The following NTNG1 variants were observed in gnomAD, a reference collection of about 807,000 sequenced individuals.
The protein encoded by NTNG1 is netrin G1.
Under a neutral mutation model 54.0 loss-of-function variants are expected in NTNG1, and 16 were observed. The observed-to-expected ratio is 0.30, with a 90% CI of 0.20 to 0.45. NTNG1 has a LOEUF of 0.45. NTNG1 is among the 20% of genes least tolerant of loss of function. NTNG1 has a pLI of 1.00. For missense variants in NTNG1, 530 were observed against 678.7 expected, an observed-to-expected ratio of 0.78 and a Z score of 2.43; for synonymous variants, 255 against 263.1, an observed-to-expected ratio of 0.97 and a Z score of 0.30.
intron 2 of NTNG1, among the ~76,000 whole-genome samples, chr1:107,285,487 T>C (rs1665135381): frequency 6.6e-6 from 1 of 152,126 alleles, no homozygotes; most frequent in East Asian, 1.9e-4. Context: ...AGAGCTAAGA[T>C]GTGCATGAAA....
chr1:107,398,502 G>A (rs554373817), intron 4 of NTNG1, among the ~76,000 whole-genome samples: 1 of 152,264 alleles, frequency 6.6e-6, no homozygotes, highest in African/African-American at 2.4e-5. Context: ...TATGAAACAT[G>A]TAGAGCTAAG....
chr1:107,365,486 C>T (rs557609681), intron 3 of NTNG1, among the ~76,000 whole-genome samples: 2 of 152,222 alleles, frequency 1.3e-5, no homozygotes, highest in East Asian at 3.9e-4. Flanking sequence ...AAAAATTGTA[C>T]ACATGAATAT....
intron 2 of NTNG1, 118 bp from the exon 3 acceptor site, chr1:107,324,164 G>T: frequency 1.2e-6 from 1 of 859,788 alleles, no homozygotes; most frequent in South Asian, 1.7e-5. Flanking sequence ...AAATAAAAAT[G>T]ATTACTGAAA....
chr1:107,268,195 T>A (rs1160016898), intron 2 of NTNG1, among the ~76,000 whole-genome samples: 4 of 152,242 alleles, frequency 2.6e-5, no homozygotes, highest in African/African-American at 9.6e-5. Flanking sequence ...ATTTCTCTAC[T>A]TCTGTTTACA....
chr1:107,331,821 T>C (rs1382940314), intron 3 of NTNG1, among the ~76,000 whole-genome samples: 2 of 152,104 alleles, frequency 1.3e-5, no homozygotes, highest in Non-Finnish European at 2.9e-5. Context: ...TTTCATATAA[T>C]AAAATTTCAT....
chr1:107,174,025 A>G (rs1656456393), intron 2 of NTNG1, among the ~76,000 whole-genome samples: 1 of 152,114 alleles, frequency 6.6e-6, no homozygotes, highest in African/African-American at 2.4e-5. Flanking sequence ...CACAACAGAA[A>G]GATAAAACAG....
At chr1:107,149,960 TA>T (rs1654434194) in intron 2 of NTNG1, among the ~76,000 whole-genome samples, 1 of 152,172 alleles carries the variant, frequency 6.6e-6, no homozygotes, top group Non-Finnish European at 1.5e-5. Context: ...CCCAGTGAGT[TA>T]AATTAGCATA....
At chr1:107,210,245 C>G (rs1279961554) in intron 2 of NTNG1, among the ~76,000 whole-genome samples, 1 of 152,008 alleles carries the variant, frequency 6.6e-6, no homozygotes, top group African/African-American at 2.4e-5. Context: ...CTTTGGTACC[C>G]CAAACTTTTT....
rs754614138 is a variant in NTNG1, at chr1:107,407,721, A to T, written c.1087+13A>T. On this transcript the variant is annotated intron_variant, in intron 5 of 7. Coordinates refer to ENST00000370068, the MANE Select transcript of NTNG1 (RefSeq NM_001113226.3). ...TCCAGTATTGGTAGTAAGTAAAAAC[A>T]AAAACAAAAAAAACACCAAACCAAG... The T allele has an allele frequency of 6.2e-7, 1 of 1,603,728 alleles. No homozygotes were observed. The highest frequency in any genetic ancestry group is 8.5e-7 in the Non-Finnish European group (1 of 1,171,674).
At chr1:107,191,994 A>C (rs149379459) in intron 2 of NTNG1, among the ~76,000 whole-genome samples, 1 of 152,150 alleles carries the variant, frequency 6.6e-6, no homozygotes, top group Non-Finnish European at 1.5e-5. Flanking sequence ...TGGGGATGGC[A>C]TTGAATCAAT....
At chr1:107,315,261 G>A (rs1225964177) in intron 2 of NTNG1, among the ~76,000 whole-genome samples, 2 of 151,636 alleles carry the variant, frequency 1.3e-5, no homozygotes, top group Admixed American at 6.6e-5. Context: ...TCCACTCCTC[G>A]CACCCCGTAT....
chr1:107,166,548 T>C (rs2101073589), intron 2 of NTNG1, among the ~76,000 whole-genome samples: 1 of 152,330 alleles, frequency 6.6e-6, no homozygotes, highest in African/African-American at 2.4e-5. Context: ...TCTTATTTTG[T>C]ATTTATTTGC....
At chr1:107,275,743 G>C (rs551433358) in intron 2 of NTNG1, among the ~76,000 whole-genome samples, 2 of 152,308 alleles carry the variant, frequency 1.3e-5, no homozygotes, top group South Asian at 4.1e-4. Flanking sequence ...ACCCACATTA[G>C]GGAGAGAAAT....
chr1:107,154,924 A>C, intron 2 of NTNG1, among the ~76,000 whole-genome samples: 1 of 152,128 alleles, frequency 6.6e-6, no homozygotes, highest in African/African-American at 2.4e-5. Flanking sequence ...GAATGCAGAG[A>C]TGCAACATTT....
At chr1:107,427,717 T>C (rs1006219412) in intron 5 of NTNG1, among the ~76,000 whole-genome samples, 8 of 152,244 alleles carry the variant, frequency 5.3e-5, no homozygotes, top group Non-Finnish European at 7.4e-5. Flanking sequence ...ATTTTCTACA[T>C]CATAAAACAT....
intron 3 of NTNG1, among the ~76,000 whole-genome samples, chr1:107,338,240 T>A (rs1668699404): frequency 6.6e-6 from 1 of 151,860 alleles, no homozygotes; most frequent in Non-Finnish European, 1.5e-5. Flanking sequence ...AAAAGTAGGT[T>A]TTAATAATAC....
intron 5 of NTNG1, among the ~76,000 whole-genome samples, chr1:107,429,669 G>A (rs1675132250): frequency 6.6e-6 from 1 of 152,138 alleles, no homozygotes; most frequent in African/African-American, 2.4e-5. Flanking sequence ...TATCCTGGCT[G>A]ACCTTCCTTA....
At chr1:107,410,005 G>C (rs939397778) in intron 5 of NTNG1, 1 of 152,106 alleles carries the variant, frequency 6.6e-6, no homozygotes, top group African/African-American at 2.4e-5. Context: ...CACGGGAATG[G>C]GGTTTTCAAG....
chr1:107,360,152 T>A (rs1257886583), intron 3 of NTNG1, among the ~76,000 whole-genome samples: 1 of 152,160 alleles, frequency 6.6e-6, no homozygotes, highest in Non-Finnish European at 1.5e-5. Context: ...AAAAATTGAT[T>A]TTTTTTAGGA....
Sources: allele counts gnomAD v4.1 joint callset (sites outside exome capture counted in the v4.1 genomes callset), GRCh38; gene constraint gnomAD v4.1.1; transcripts MANE v1.5; gene names NCBI Gene and HGNC (gene_info 2026-07-23, HGNC 2026-07-21).